LINS1: variants seen among roughly 807,000 people sequenced by gnomAD.
LINS1 encodes the protein protein Lines homolog 1.
A neutral mutation model predicts 41.6 loss-of-function variants in LINS1; 27 were observed. The observed-to-expected ratio is 0.65, with a 90% CI of 0.48 to 0.89. LINS1 has a LOEUF of 0.89. Ranked by LOEUF, LINS1 falls within the 40% of genes least tolerant of loss-of-function variation. The pLI is 0.00. For synonymous variants in LINS1, 336 were observed against 312.9 expected (o/e 1.07, Z -0.78); for missense variants, 955 against 884.1 (o/e 1.08, Z -1.02).
At chr15:100,571,219 T>A (rs570631837) in intron 6 of LINS1, among the ~76,000 whole-genome samples, 1 of 152,218 alleles carries the variant, frequency 6.6e-6, no homozygotes, top group Admixed American at 6.5e-5. Context: ...TAGCAAGAAA[T>A]CCCTTTCTCC....
At chr15:100,588,665 G>A (rs866884267) in intron 1 of LINS1, among the ~76,000 whole-genome samples, 4 of 152,182 alleles carry the variant, frequency 2.6e-5, no homozygotes, top group Non-Finnish European at 5.9e-5. Context: ...TGGAGCATTA[G>A]ATTCTAGATA....
chr15:100,593,065 T>C (rs1164838216), intron 1 of LINS1, among the ~76,000 whole-genome samples: 1 of 152,230 alleles, frequency 6.6e-6, no homozygotes, highest in Non-Finnish European at 1.5e-5. Context: ...GCACATCTCA[T>C]TCTGCATTAT....
rs771277871 is a variant in LINS1, at chr15:100,570,049, C to G, written c.1463G>C (p.Gly488Ala). The G allele has an allele frequency of 2.0e-5, 32 of 1,566,070 alleles. No homozygotes were observed. The Admixed American group carries it at 2.8e-4, about 14-fold the overall frequency. ...EMWDHHTHEN[G>A]YNPHCIFLFF... ...CAAGAAAATACAGTGAGGATTATAGCCATTTTCATGTGTGTGATGGTCCCA... is the reference window on the plus strand; with the variant it reads ...CAAGAAAATACAGTGAGGATTATAGGCATTTTCATGTGTGTGATGGTCCCA... Residue 488 changes from glycine to alanine, a missense_variant, in exon 7 of 7, where the codon GGC becomes GCC. Physicochemically the swap from Gly to Ala is moderately conservative, Grantham distance 60. Transcript: ENST00000314742.
chr15:100,587,515 C>A (rs969260203), intron 1 of LINS1, among the ~76,000 whole-genome samples: 1 of 152,106 alleles, frequency 6.6e-6, no homozygotes, highest in African/African-American at 2.4e-5. Flanking sequence ...TTTGTTTGTG[C>A]TTCCAGTTTT....
In LINS1 at chr15:100,567,410, G is replaced by A. The variant is rs2037598034; in HGVS notation, c.*1828C>T. On this transcript the variant is annotated 3_prime_UTR_variant, in exon 7 of 7. Transcript: ENST00000314742. ...CTTCCACATCAGACCTGTCTCCCAA[G>A]GCAACCACTATTATGACTTTCTTAT... 1 of 152,108 alleles carries A rather than the reference G, an allele frequency of 6.6e-6. No homozygotes were observed. Among genetic ancestry groups the A allele is most frequent in the Non-Finnish European group, 1.5e-5 (1 of 68,020 alleles). The allele number at this position is 152,108 out of a possible 1,614,324, so 9.4% of individuals were successfully genotyped here. A position where few individuals can be genotyped will look rare whatever the true frequency, so the allele number is the denominator to read the frequency against.
intron 1 of LINS1, among the ~76,000 whole-genome samples, chr15:100,592,142 G>C (rs1373572057): frequency 6.6e-6 from 1 of 152,206 alleles, no homozygotes; most frequent in African/African-American, 2.4e-5. Context: ...GTAAACCTCA[G>C]AAAATTCTGT....
chr15:100,571,620 G>A (rs1298900134), intron 6 of LINS1, among the ~76,000 whole-genome samples: 1 of 152,218 alleles, frequency 6.6e-6, no homozygotes, highest in Non-Finnish European at 1.5e-5. Flanking sequence ...TTAAGATTCA[G>A]AGAAGTGTAC....
Position 100,580,596 on chromosome 15 carries a change from T to C in LINS1, c.247A>G (p.Ser83Gly). 1 of 1,613,996 alleles carries C rather than the reference T, an allele frequency of 6.2e-7. No individual in the cohort carries two copies. Among genetic ancestry groups the C allele is most frequent in the Non-Finnish European group, 8.5e-7 (1 of 1,179,910 alleles). The stretch of plus-strand genomic sequence containing the variant: ...AGGAGCATTACTTCTCTGGAACCGC[T>C]CATCTGAGAGTTGGTCTTCAAACAC... ...PVCLKTNSQM[S>G]GSREVMLLQL... is the part of the protein sequence containing the mutation. Residue 83 changes from serine (S) to glycine (G), a missense_variant, in exon 2 of 7, where the codon AGC (serine) becomes GGC (glycine). By Grantham distance (56) the Ser-to-Gly change is moderately conservative. Coordinates refer to ENST00000314742, the MANE Select transcript of LINS1 (RefSeq NM_001040616.3).
rs561787908 is a variant in LINS1 at position 100,585,466 on chromosome 15, G to C, written c.-103-4521C>G. Among the ~76,000 whole-genome samples, 56 of 152,318 alleles carry C rather than the reference G, an allele frequency of 3.7e-4. 1 individual carries two copies. Among genetic ancestry groups the C allele is most frequent in the Admixed American group, 6.5e-4 (10 of 15,296 alleles). ...TGGTTAACATGTGATGCTCTCGTTT[G>C]GAACTGTTTGGACCCAGTGTCCTTT... On this transcript the variant is annotated intron_variant, in intron 1 of 6. Transcript: ENST00000314742.
rs1167544703 is a variant in LINS1, at chr15:100,569,581, A to T, written c.1931T>A (p.Leu644Ter). 1 of 1,613,986 alleles carries T rather than the reference A, an allele frequency of 6.2e-7. No individual in the cohort carries two copies. The highest frequency in any genetic ancestry group is 8.5e-7 in the Non-Finnish European group (1 of 1,179,954). ...DSDVESTEQC[L>*]ANSKQTSLHQ... ...TAAAGATGTCTGTTTACTGTTAGCT[A>T]AACACTGCTCTGTGGATTCCACGTC... Residue 644 changes from leucine (L) to a stop codon, truncating the protein, a stop_gained, in exon 7 of 7, where the codon TTA becomes TAA. Transcript: ENST00000314742. LOFTEE classifies it low-confidence loss of function (END_TRUNC).
At chr15:100,573,251 T>C (rs774327414) in intron 5 of LINS1, 3 of 444,662 alleles carry the variant, frequency 6.7e-6, no homozygotes, top group African/African-American at 2.2e-5. Context: ...ACAGGAGGAA[T>C]AGCATGGGCC....
chr15:100,598,323 C>A (rs1462888293), intron 1 of LINS1, among the ~76,000 whole-genome samples: 1 of 151,920 alleles, frequency 6.6e-6, no homozygotes, highest in African/African-American at 2.4e-5. Context: ...AAAATCAGTC[C>A]CAAAGTATAT....
intron 3 of LINS1, among the ~76,000 whole-genome samples, chr15:100,577,253 G>A (rs528555947): frequency 6.6e-6 from 1 of 152,180 alleles, no homozygotes; most frequent in Non-Finnish European, 1.5e-5. Context: ...GTTTGCAGAT[G>A]ACATGATTGT....
chr15:100,588,003 C>T (rs2038882738), intron 1 of LINS1, among the ~76,000 whole-genome samples: 1 of 152,234 alleles, frequency 6.6e-6, no homozygotes, highest in African/African-American at 2.4e-5. Flanking sequence ...AGTAGTCAGA[C>T]ACTGGCCTCT....
rs909025527 is a variant in LINS1 at position 100,568,974 on chromosome 15, A to C, written c.*264T>G. The C allele has an allele frequency of 4.4e-5, 14 of 314,728 alleles. No homozygotes were observed. The highest frequency in any genetic ancestry group is 1.1e-3 in the Middle Eastern group (1 of 904). The allele number at this position is 314,728 out of a possible 1,614,324, so 19.5% of individuals were successfully genotyped here. ...CCCCGTCTCTACTAAAAATACAAAA[A>C]TTAGCTGGGCGTGGTGGCGGGCACC... On this transcript the variant is annotated 3_prime_UTR_variant, in exon 7 of 7. Transcript: ENST00000314742.
At chr15:100,595,689 T>G (rs1366639171) in intron 1 of LINS1, among the ~76,000 whole-genome samples, 1 of 152,172 alleles carries the variant, frequency 6.6e-6, no homozygotes, top group African/African-American at 2.4e-5. Flanking sequence ...TAAAAAAAAT[T>G]ACTAGTTTCT....
chr15:100,574,435 T>C lies in LINS1; in HGVS notation c.632-194A>G, dbSNP rs36053285. 0.43 allele frequency among the ~76,000 whole-genome samples: 65,881 copies of C among 152,136 alleles called. 14,792 individuals are homozygous for C. Among genetic ancestry groups the C allele is most frequent in the Admixed American group, 0.5 (7,607 of 15,292 alleles). On this transcript the variant is annotated intron_variant, in intron 4 of 6. Transcript: ENST00000314742. The stretch of plus-strand genomic sequence containing the variant: ...TTAAAATTCATTTTATGGCTGGGTG[T>C]GGTGGCTCACAACTGTAATCCCAGC...
intron 6 of LINS1, chr15:100,570,716 T>A (rs746225700): frequency 1.3e-5 from 2 of 152,334 alleles, no homozygotes; most frequent in African/African-American, 4.8e-5. Flanking sequence ...TTATAGTCCC[T>A]GTACATATAG....
intron 2 of LINS1, 45 bp from the exon 3 acceptor site, chr15:100,580,397 T>C: frequency 1.2e-6 from 2 of 1,606,160 alleles, no homozygotes; most frequent in South Asian, 1.1e-5. Context: ...TGAATGTTCT[T>C]AAAATTATTT....
Sources: allele counts gnomAD v4.1 joint callset (sites outside exome capture counted in the v4.1 genomes callset), GRCh38; gene constraint gnomAD v4.1.1; transcripts MANE v1.5; gene names NCBI Gene and HGNC (gene_info 2026-07-23, HGNC 2026-07-21).